The following MATCAP2 variants were observed in gnomAD, a reference collection of about 807,000 sequenced individuals.
The protein encoded by MATCAP2 is microtubule associated tyrosine carboxypeptidase 2.
chr7:36,367,089 G>A, the MATCAP2 span: 5 of 1,252,928 alleles, frequency 4.0e-6, no homozygotes, highest in East Asian at 9.9e-5. Flanking sequence ...GATAAGGAGG[G>A]TAAGGGCGGA....
chr7:36,365,465 G>A, the MATCAP2 span, among the ~76,000 whole-genome samples: 2 of 152,128 alleles, frequency 1.3e-5, no homozygotes, highest in African/African-American at 2.4e-5. Flanking sequence ...TTTGGGAGGC[G>A]GAGGTGTGAG....
At chr7:36,390,040 C>A in the MATCAP2 span, 1 of 1,613,956 alleles carries the variant, frequency 6.2e-7, no homozygotes, top group Non-Finnish European at 8.5e-7. Flanking sequence ...GATCCGTTTA[C>A]GGAGGTGAGT....
chr7:36,375,887 C>CA, the MATCAP2 span, among the ~76,000 whole-genome samples: 1 of 152,162 alleles, frequency 6.6e-6, no homozygotes, highest in Non-Finnish European at 1.5e-5. Context: ...GAGATGTTTA[C>CA]AGTATTCTCT....
At chr7:36,343,947 A>C in the MATCAP2 span, among the ~76,000 whole-genome samples, 1 of 152,242 alleles carries the variant, frequency 6.6e-6, no homozygotes, top group Admixed American at 6.5e-5. Flanking sequence ...TGGCCACTTC[A>C]GATCACTGGT....
the MATCAP2 span, among the ~76,000 whole-genome samples, chr7:36,347,601 C>G: frequency 1.3e-5 from 2 of 152,092 alleles, no homozygotes; most frequent in Admixed American, 1.3e-4. Context: ...CCCTATTTAC[C>G]CCACAGAGTT....
the MATCAP2 span, chr7:36,324,310 T>C: frequency 6.6e-6 from 1 of 152,218 alleles, no homozygotes; most frequent in Non-Finnish European, 1.5e-5. Flanking sequence ...TTTTAAACAC[T>C]TTTACAAAGG....
chr7:36,375,101 T>G, the MATCAP2 span, among the ~76,000 whole-genome samples: 1 of 152,232 alleles, frequency 6.6e-6, no homozygotes, highest in African/African-American at 2.4e-5. Flanking sequence ...TCTAGATCCT[T>G]GAGGAATCGC....
At chr7:36,357,037 G>T in the MATCAP2 span, 54 of 1,614,082 alleles carry the variant, frequency 3.3e-5, no homozygotes, top group Non-Finnish European at 3.8e-5. Flanking sequence ...CTAAGTTGGT[G>T]GGTTTTATAG....
At chr7:36,335,778 AACT>A in the MATCAP2 span, among the ~76,000 whole-genome samples, 44,625 of 152,044 alleles carry the variant, frequency 0.29, 7,166 homozygotes, top group South Asian at 0.5. Context: ...TACAGAAAAG[AACT>A]ACGACTAGGC....
the MATCAP2 span, among the ~76,000 whole-genome samples, chr7:36,382,938 T>A: frequency 6.6e-6 from 1 of 152,246 alleles, no homozygotes; most frequent in South Asian, 2.1e-4. Flanking sequence ...ATATCCTTAT[T>A]AACCACGTGA....
At chr7:36,366,301 A>G in the MATCAP2 span, among the ~76,000 whole-genome samples, 3 of 152,318 alleles carry the variant, frequency 2.0e-5, no homozygotes, top group East Asian at 5.8e-4. Flanking sequence ...TTTACAAATA[A>G]TAAGAGTCAA....
At chr7:36,329,608 AAAGT>A in the MATCAP2 span, among the ~76,000 whole-genome samples, 1 of 152,256 alleles carries the variant, frequency 6.6e-6, no homozygotes, top group Non-Finnish European at 1.5e-5. Context: ...AAAGTTGAAT[AAAGT>A]AAGTCCAATT....
At chr7:36,374,507 C>A in the MATCAP2 span, among the ~76,000 whole-genome samples, 41,055 of 151,976 alleles carry the variant, frequency 0.27, 6,455 homozygotes, top group South Asian at 0.5. Flanking sequence ...GATTCAAAAA[C>A]CCCTAAGACT....
chr7:36,377,640 G>A, the MATCAP2 span, among the ~76,000 whole-genome samples: 1 of 152,174 alleles, frequency 6.6e-6, no homozygotes, highest in Non-Finnish European at 1.5e-5. Flanking sequence ...GAACTTGAAT[G>A]TTGGCCTGCC....
chr7:36,384,997 A>G, the MATCAP2 span, among the ~76,000 whole-genome samples: 1 of 152,238 alleles, frequency 6.6e-6, no homozygotes, highest in Non-Finnish European at 1.5e-5. Context: ...AATTACAACG[A>G]AAGACATAGA....
At chr7:36,374,272 G>T in the MATCAP2 span, among the ~76,000 whole-genome samples, 1 of 151,438 alleles carries the variant, frequency 6.6e-6, no homozygotes, top group Non-Finnish European at 1.5e-5. Flanking sequence ...TAGAGACAAG[G>T]TCTCACTATG....
the MATCAP2 span, chr7:36,333,751 A>AT: frequency 9.6e-7 from 1 of 1,039,672 alleles, no homozygotes; most frequent in Non-Finnish European, 1.4e-6. Flanking sequence ...CAAAGATTTC[A>AT]TTTTTTTAAG....
At chr7:36,348,606 G>T in the MATCAP2 span, among the ~76,000 whole-genome samples, 1 of 152,134 alleles carries the variant, frequency 6.6e-6, no homozygotes, top group East Asian at 1.9e-4. Flanking sequence ...CACCTTCTAT[G>T]TGACAATCAC....
the MATCAP2 span, among the ~76,000 whole-genome samples, chr7:36,377,507 G>A: frequency 1.3e-5 from 2 of 152,146 alleles, no homozygotes; most frequent in East Asian, 1.9e-4. Context: ...TGGGTAATCC[G>A]ACCTTTCTCT....
Sources: gnomAD v4.1 joint callset for allele counts (sites outside exome capture counted in the v4.1 genomes callset) on GRCh38, gnomAD v4.1.1 for gene constraint, MANE v1.5 for transcripts, NCBI Gene and HGNC (gene_info 2026-07-23, HGNC 2026-07-21) for gene names.